Variants in NGEF observed in about 807,000 individuals in gnomAD.
NGEF encodes the protein neuronal guanine nucleotide exchange factor, also known as ephexin-1.
A neutral mutation model predicts 80.9 loss-of-function variants in NGEF; 31 were observed. The ratio of observed to expected loss-of-function variants is 0.38; its 90% CI spans 0.29 to 0.52. NGEF has a LOEUF of 0.52. NGEF is among the 20% of genes least tolerant of loss of function. The pLI is 0.84. For synonymous variants in NGEF, 371 were observed against 370.2 expected (o/e 1.00, Z -0.03); for missense variants, 709 against 926.2 (o/e 0.77, Z 3.04).
At chr2:232,999,232 G>A (rs988388618) in intron 1 of NGEF, among the ~76,000 whole-genome samples, 4 of 152,102 alleles carry the variant, frequency 2.6e-5, no homozygotes, top group African/African-American at 9.7e-5. Flanking sequence ...GCAACTAAGT[G>A]AATGATCTGC....
chr2:232,956,865 T>A (rs1448966462), intron 3 of NGEF, among the ~76,000 whole-genome samples: 1 of 139,760 alleles, frequency 7.2e-6, no homozygotes, highest in Non-Finnish European at 1.5e-5. Context: ...TAAAAGCGCA[T>A]AAGAAGGACA....
At position 232,882,176 on chromosome 2, in the gene NGEF, G is replaced by A. The variant is rs369905509; in HGVS notation, c.1837+10C>T. 35 of 1,612,738 alleles carry A rather than the reference G, an allele frequency of 2.2e-5. No individual in the cohort carries two copies. Among genetic ancestry groups the A allele is most frequent in the Middle Eastern group, 1.7e-4 (1 of 6,058 alleles). On this transcript the variant is annotated intron_variant, in intron 13 of 14. Coordinates refer to ENST00000264051, the MANE Select transcript of NGEF (RefSeq NM_019850.3). ...GACAAATGGCGCCCCCTTACCCACC[G>A]GTGACTTACCCAGCAGCCGGGATGT...
chr2:232,896,336 G>A (rs1387183104), intron 5 of NGEF, among the ~76,000 whole-genome samples: 1 of 152,148 alleles, frequency 6.6e-6, no homozygotes, highest in Non-Finnish European at 1.5e-5. Flanking sequence ...AGACAGAGAT[G>A]GGACTGATAC....
At chr2:232,991,796 A>G (rs564614285) in intron 1 of NGEF, among the ~76,000 whole-genome samples, 1 of 152,358 alleles carries the variant, frequency 6.6e-6, no homozygotes, top group South Asian at 2.1e-4. Context: ...ATCAAAGAAC[A>G]GAGTTGGACT....
In NGEF at chr2:232,977,757, C is replaced by T. The variant is rs73995761; in HGVS notation, c.-74-2793G>A. Among the ~76,000 whole-genome samples the T allele has an allele frequency of 4.3e-3, 655 of 152,114 alleles. 9 individuals carry two copies. Among genetic ancestry groups the T allele is most frequent in the African/African-American group, 0.015 (617 of 41,470 alleles). Reference sequence around the variant, plus strand: ...GGTGGCCAGAGGGCCTGGCAGGCCCCGAGCAGGAGGCACAGGCGGGGTGGT... The same window carrying T: ...GGTGGCCAGAGGGCCTGGCAGGCCCTGAGCAGGAGGCACAGGCGGGGTGGT... On this transcript the variant is annotated intron_variant, in intron 1 of 14. Transcript: ENST00000264051.
intron 3 of NGEF, among the ~76,000 whole-genome samples, chr2:232,928,567 C>A (rs955264339): frequency 2.0e-5 from 3 of 152,156 alleles, no homozygotes; most frequent in African/African-American, 7.2e-5. Flanking sequence ...CCGAGCCCGG[C>A]CTCGGGGAAT....
chr2:232,992,599 T>C (rs1456408421), intron 1 of NGEF, among the ~76,000 whole-genome samples: 1 of 151,946 alleles, frequency 6.6e-6, no homozygotes, highest in Non-Finnish European at 1.5e-5. Flanking sequence ...TCTCACAGAA[T>C]AGGAGAAAAT....
Position 232,945,358 on chromosome 2 carries a change from C to T in NGEF, c.384-18172G>A, listed in dbSNP as rs566245767. Among the ~76,000 whole-genome samples, 8 of 152,160 alleles carry T rather than the reference C, an allele frequency of 5.3e-5. No individual in the cohort carries two copies. The East Asian group carries it at 1.2e-3, about 22-fold the overall frequency. On this transcript the variant is annotated intron_variant, in intron 3 of 14. Transcript: ENST00000264051. ...AAAAATATATACTCAAGTCCTAACG[C>T]CTGGTACCCATGCTTGTGACTTGAC...
chr2:232,967,846 G>T (rs957845817), intron 3 of NGEF, among the ~76,000 whole-genome samples: 26 of 152,062 alleles, frequency 1.7e-4, no homozygotes, highest in African/African-American at 6.0e-4. Flanking sequence ...AGATACAGGG[G>T]ATACAGTTTC....
rs1691923223 is a variant in NGEF at position 232,892,770 on chromosome 2, A to G, written c.1142+128T>C. ...TATCCCTGGCCAACTCCGGTGGCTC[A>G]TGTGGACCTTGGGAACGCAGAGGTA... On this transcript the variant is annotated intron_variant, in intron 7 of 14. Transcript: ENST00000264051. This position sits in a 1 kb window ranked among gnomAD's most constrained non-coding sequence, Gnocchi z 4.0. 8 of 1,046,276 alleles carry G rather than the reference A, an allele frequency of 7.6e-6. No homozygotes were observed. Among genetic ancestry groups the G allele is most frequent in the Non-Finnish European group, 9.9e-6 (7 of 710,138 alleles). 64.8% of individuals were successfully genotyped at this position (1,046,276 alleles called of 1,614,324 possible).
At chr2:232,956,133 A>G (rs116560036) in intron 3 of NGEF, among the ~76,000 whole-genome samples, 1,831 of 152,224 alleles carry the variant, frequency 0.012, 24 homozygotes, top group African/African-American at 0.027. Flanking sequence ...TTGAGGCTTG[A>G]GGAGAGCAAA....
chr2:232,943,015 A>G (rs1693472298), intron 3 of NGEF, among the ~76,000 whole-genome samples: 1 of 147,700 alleles, frequency 6.8e-6, no homozygotes, highest in South Asian at 2.1e-4. Context: ...TGCAGTGAAG[A>G]TTGCATGTTA....
intron 3 of NGEF, among the ~76,000 whole-genome samples, chr2:232,953,926 T>C (rs1693737962): frequency 6.6e-6 from 1 of 152,208 alleles, no homozygotes; most frequent in Non-Finnish European, 1.5e-5. Flanking sequence ...GATAAGTATT[T>C]GTTAAATGAA....
chr2:232,885,242 T>C (rs1031403058), intron 10 of NGEF, 38 bp downstream of exon 10: 1 of 1,595,568 alleles, frequency 6.3e-7, no homozygotes, highest in African/African-American at 1.3e-5. Context: ...CAGGGGCCTG[T>C]GCATGGGCAC....
At position 232,929,031 on chromosome 2, in the gene NGEF, C is replaced by T. The variant is rs368235148; in HGVS notation, c.384-1845G>A. Reference sequence around the variant, plus strand: ...GCAAGATGCCCCCCGCCTACCCTCGCGAAGGCCCCTGGCGCGCTGCCCGGT... The same window carrying T: ...GCAAGATGCCCCCCGCCTACCCTCGTGAAGGCCCCTGGCGCGCTGCCCGGT... On this transcript the variant is annotated intron_variant, in intron 3 of 14. Coordinates refer to ENST00000264051, the MANE Select transcript of NGEF (RefSeq NM_019850.3). Among the ~76,000 whole-genome samples, 22 of 152,324 alleles carry T rather than the reference C, an allele frequency of 1.4e-4. No individual in the cohort carries two copies. In the East Asian group the frequency reaches 4.1e-3, roughly 28 times the overall value.
chr2:232,953,301 CAAAAAAAA>C (rs57652494), intron 3 of NGEF, among the ~76,000 whole-genome samples: 7 of 91,248 alleles, frequency 7.7e-5, no homozygotes, highest in South Asian at 4.6e-4. Context: ...GACTCTGTGT[CAAAAAAAA>C]AAAAAAAAAA....
rs12619548 is a variant in NGEF, at chr2:232,889,663, G to A, written c.1273-1556C>T. Among the ~76,000 whole-genome samples, 49 of 152,220 alleles carry A rather than the reference G, an allele frequency of 3.2e-4. No individual in the cohort carries two copies. The East Asian group carries it at 7.1e-3, about 22-fold the overall frequency. The stretch of plus-strand genomic sequence containing the variant: ...AAAAAAATATTTCCCACGGAACTGC[G>A]TTCATCACAGGTGTCTTCCGGTTTG... On this transcript the variant is annotated intron_variant, in intron 8 of 14. Transcript: ENST00000264051.
At chr2:232,997,538 C>T (rs2106340861) in intron 1 of NGEF, among the ~76,000 whole-genome samples, 1 of 152,218 alleles carries the variant, frequency 6.6e-6, no homozygotes. Flanking sequence ...ATTTCTAGAA[C>T]ACAGAAATAT....
intron 5 of NGEF, among the ~76,000 whole-genome samples, chr2:232,899,918 A>C (rs1213587330): frequency 7.4e-6 from 1 of 135,330 alleles, no homozygotes; most frequent in Non-Finnish European, 1.6e-5. Context: ...ACAGTCACTC[A>C]TATACACGTT....
Sources: allele counts gnomAD v4.1 joint callset (sites outside exome capture counted in the v4.1 genomes callset), GRCh38; gene constraint gnomAD v4.1.1; non-coding constraint Gnocchi (gnomAD v3.1); transcripts MANE v1.5; gene names NCBI Gene and HGNC (gene_info 2026-07-23, HGNC 2026-07-21).